The following CSNK1G2 variants were observed in gnomAD, a reference collection of about 807,000 sequenced individuals.
CSNK1G2 encodes the protein casein kinase I isoform gamma-2.
In CSNK1G2, 11 loss-of-function variants were observed where a neutral mutation model predicts 48.0. The ratio of observed to expected loss-of-function variants is 0.23; its 90% CI spans 0.14 to 0.38. The LOEUF is 0.38. Among genes scored for constraint, CSNK1G2 ranks in the 10% least tolerant of loss-of-function variants. The pLI, the probability that CSNK1G2 is intolerant of heterozygous loss-of-function variation, is 1.00. For missense variants in CSNK1G2, 446 were observed against 595.5 expected, an observed-to-expected ratio of 0.75 and a Z score of 2.61; for synonymous variants, 337 against 254.1, an observed-to-expected ratio of 1.33 and a Z score of -3.10.
chr19:1,979,379 G>C lies in CSNK1G2; in HGVS notation c.829G>C (p.Glu277Gln). Residue 277 changes from glutamate to glutamine, a missense_variant, in exon 8 of 12, where the codon GAG (glutamate) becomes CAG (glutamine). Around this residue, in one of 2 missense-constraint regions of CSNK1G2, gnomAD observed 258 missense variants for 415.9 expected, o/e 0.62. Coordinates refer to ENST00000255641, the MANE Select transcript of CSNK1G2 (RefSeq NM_001319.7). ...GGACACCAAACGCGCCACGCCCATC[G>C]AGGTGCTCTGCGAGAACTTCCCAGG... ...IGDTKRATPI[E>Q]VLCENFPEEM... 6.3e-7 allele frequency: 1 copy of C among 1,599,918 alleles called. No individual in the cohort carries two copies. The highest frequency in any genetic ancestry group is 8.5e-7 in the Non-Finnish European group (1 of 1,174,816).
In CSNK1G2 at chr19:1,979,777, C is replaced by G; in HGVS notation, c.1028C>G (p.Thr343Ser). 1.9e-6 allele frequency: 3 copies of G among 1,607,096 alleles called. No homozygotes were observed. Among genetic ancestry groups the G allele is most frequent in the Non-Finnish European group, 2.5e-6 (3 of 1,179,066 alleles). Residue 343 changes from threonine to serine, a missense_variant, in exon 10 of 12, where the codon ACC (threonine) becomes AGC (serine). By Grantham distance (58) the Thr-to-Ser change is moderately conservative. Transcript: ENST00000255641. ...CCGACCCCCATCGGCACCGTCCACA[C>G]CGACCTGCCCTCCCAGCCTCAGCTC... ...PLPTPIGTVH[T>S]DLPSQPQLRD...
chr19:1,976,181 G>T (rs542029975), intron 2 of CSNK1G2: 19 of 1,076,208 alleles, frequency 1.8e-5, no homozygotes, highest in Non-Finnish European at 2.3e-5. Flanking sequence ...GTTTTACGAG[G>T]AGAATTTCCT....
intron 2 of CSNK1G2, chr19:1,975,570 C>A: frequency 1.0e-6 from 1 of 985,440 alleles, no homozygotes; most frequent in Non-Finnish European, 1.2e-6. Context: ...AGGAGCCCAC[C>A]GCAGGGGCAG....
At chr19:1,963,812 C>CA (rs913426140) in intron 1 of CSNK1G2, among the ~76,000 whole-genome samples, 6 of 134,476 alleles carry the variant, frequency 4.5e-5, no homozygotes, top group African/African-American at 1.1e-4. Flanking sequence ...CCAGCCTCTA[C>CA]AAATTTTTTT....
rs534010619 is a variant in CSNK1G2, at chr19:1,957,846, G to A, written c.-265-11662G>A. ...TTTGTGGGGTGGGAGCTAGGCGGGC[G>A]CCGTTTATGTGGGGTGGGCGCTCGG... On this transcript the variant is annotated intron_variant, in intron 1 of 11. Coordinates refer to ENST00000255641, the MANE Select transcript of CSNK1G2 (RefSeq NM_001319.7). This position sits in a 1 kb window ranked among gnomAD's most constrained non-coding sequence, Gnocchi z 5.4. Among the ~76,000 whole-genome samples the A allele has an allele frequency of 3.3e-5, 5 of 152,064 alleles. 1 individual carries two copies. The highest frequency in any genetic ancestry group is 2.6e-4 in the Admixed American group (4 of 15,280).
intron 1 of CSNK1G2, chr19:1,954,436 A>G (rs1300142349): frequency 1.1e-5 from 2 of 175,230 alleles, no homozygotes; most frequent in African/African-American, 4.7e-5. Flanking sequence ...GCCGGCCTGG[A>G]CAGAGCTGCC....
rs1041562624 is a variant in CSNK1G2, at chr19:1,980,574, C to G, written c.*371C>G. 2 of 290,578 alleles carry G rather than the reference C, an allele frequency of 6.9e-6. No homozygotes were observed. The highest frequency in any genetic ancestry group is 1.3e-5 in the Non-Finnish European group (2 of 151,626). The allele number at this position is 290,578 out of a possible 1,614,324, so 18.0% of individuals were successfully genotyped here. A position where few individuals can be genotyped will look rare whatever the true frequency, so the allele number is the denominator to read the frequency against. ...GAGGCCCCCCGGCCTGGCCCCGCCC[C>G]GCCAGCCGCCCCCGTTAGCGTCATA... On this transcript the variant is annotated 3_prime_UTR_variant, in exon 12 of 12. Coordinates refer to ENST00000255641, the MANE Select transcript of CSNK1G2 (RefSeq NM_001319.7).
intron 1 of CSNK1G2, among the ~76,000 whole-genome samples, chr19:1,950,240 C>T (rs1484924383): frequency 6.6e-6 from 1 of 152,058 alleles, no homozygotes; most frequent in Non-Finnish European, 1.5e-5. Flanking sequence ...CCCGGGTTCA[C>T]ACCATTCTCC....
In CSNK1G2 at chr19:1,978,240, G is replaced by A; in HGVS notation, c.188-65G>A. On this transcript the variant is annotated intron_variant, in intron 2 of 11. Coordinates refer to ENST00000255641, the MANE Select transcript of CSNK1G2 (RefSeq NM_001319.7). The surrounding 1 kb of genome is among the most constrained non-coding windows in gnomAD (Gnocchi z 7.3). ...CCCTCCTGCCTCCTGCCTCGGGGGT[G>A]GGCTGGGGAGGTCGGGGCTAGGTGG... The A allele has an allele frequency of 6.4e-7, 1 of 1,567,044 alleles. No individual in the cohort carries two copies. Among genetic ancestry groups the A allele is most frequent in the South Asian group, 1.1e-5 (1 of 90,102 alleles).
Position 1,979,480 on chromosome 19 carries a change from G to GC in CSNK1G2, c.854-14dup, listed in dbSNP as rs1265932743. Reference sequence around the variant, plus strand: ...CCCCACCCCCGCCGAGGCCCCGCTGGCGCTCTCTCTGCAGAGGAGATGGCC... The same window carrying GC: ...CCCCACCCCCGCCGAGGCCCCGCTGGCCGCTCTCTCTGCAGAGGAGATGGCC... On this transcript the variant is annotated splice_polypyrimidine_tract_variant and intron_variant, in intron 8 of 11. Transcript: ENST00000255641. 8 of 1,478,496 alleles carry GC rather than the reference G, an allele frequency of 5.4e-6. No homozygotes were observed. The highest frequency in any genetic ancestry group is 5.4e-6 in the Non-Finnish European group (6 of 1,115,852). The allele number at this position is 1,478,496 out of a possible 1,614,324, so 91.6% of individuals were successfully genotyped here. A position where few individuals can be genotyped will look rare whatever the true frequency, so the allele number is the denominator to read the frequency against.
chr19:1,952,697 G>C (rs1422964809), intron 1 of CSNK1G2: 1 of 254,396 alleles, frequency 3.9e-6, no homozygotes, highest in Non-Finnish European at 8.0e-6. Flanking sequence ...TGAGGGTCAT[G>C]CGCCTAGCAG....
In CSNK1G2 at chr19:1,954,922, C is replaced by G. The variant is rs1175639190; in HGVS notation, c.-266+13504C>G. Among the ~76,000 whole-genome samples, 4 of 152,120 alleles carry G rather than the reference C, an allele frequency of 2.6e-5. 1 individual carries two copies. The South Asian group carries it at 8.3e-4, about 31-fold the overall frequency. ...GAGGATCAGCGTCCCTTCGTCCCTC[C>G]CTGGGGTTGTTGCTTTTCGCTGTGG... is the stretch of plus-strand genomic sequence containing the variant. On this transcript the variant is annotated intron_variant, in intron 1 of 11. Coordinates refer to ENST00000255641, the MANE Select transcript of CSNK1G2 (RefSeq NM_001319.7).
rs2015856851 is a variant in CSNK1G2, at chr19:1,978,786, G to A, written c.447+36G>A. ...GGCGGGGCGGGGCGGGGCTCGGAGG[G>A]AAGAGGGTGGCCCTGGAGGGGAGCG... On this transcript the variant is annotated intron_variant, in intron 5 of 11. Coordinates refer to ENST00000255641, the MANE Select transcript of CSNK1G2 (RefSeq NM_001319.7). The surrounding 1 kb of genome is among the most constrained non-coding windows in gnomAD (Gnocchi z 7.3). The A allele has an allele frequency of 6.3e-7, 1 of 1,575,716 alleles. No individual in the cohort carries two copies. The highest frequency in any genetic ancestry group is 8.6e-7 in the Non-Finnish European group (1 of 1,162,026).
At chr19:1,964,312 A>C (rs1198184718) in intron 1 of CSNK1G2, among the ~76,000 whole-genome samples, 2 of 150,826 alleles carry the variant, frequency 1.3e-5, no homozygotes, top group Non-Finnish European at 2.9e-5. Flanking sequence ...ACAAAAAAAA[A>C]CCAGGTTCAA....
chr19:1,965,615 C>T (rs893981810), intron 1 of CSNK1G2, among the ~76,000 whole-genome samples: 1 of 152,080 alleles, frequency 6.6e-6, no homozygotes, highest in Non-Finnish European at 1.5e-5. Context: ...ATTGTCTTTC[C>T]TCAGCCTCCT....
At chr19:1,955,375 T>C (rs1232757802) in intron 1 of CSNK1G2, among the ~76,000 whole-genome samples, 5 of 152,122 alleles carry the variant, frequency 3.3e-5, no homozygotes, top group Admixed American at 6.5e-5. Flanking sequence ...GTGGGGGATG[T>C]GGGCTAGCGG....
chr19:1,946,301 A>ATTTTTTT (rs1343820498), intron 1 of CSNK1G2, among the ~76,000 whole-genome samples: 1 of 72,834 alleles, frequency 1.4e-5, no homozygotes, highest in Non-Finnish European at 4.6e-5. Context: ...TTATTTATTT[A>ATTTTTTT]TTTTTTTTAA....
At chr19:1,969,318 C>T (rs2015486114) in intron 1 of CSNK1G2, among the ~76,000 whole-genome samples, 190 bp from the exon 2 acceptor site, 1 of 149,386 alleles carries the variant, frequency 6.7e-6, no homozygotes, top group East Asian at 2.0e-4. Flanking sequence ...GATCTCTGGC[C>T]TCTGATGTCA....
At chr19:1,973,222 T>C (rs1361499337) in intron 2 of CSNK1G2, among the ~76,000 whole-genome samples, 1 of 143,702 alleles carries the variant, frequency 7.0e-6, no homozygotes, top group Non-Finnish European at 1.5e-5. Flanking sequence ...CCACCGCGCC[T>C]GGCCTTGCTT....
Sources: gnomAD v4.1 joint callset for allele counts (sites outside exome capture counted in the v4.1 genomes callset) on GRCh38, gnomAD v4.1.1 for gene constraint, gnomAD v4.1.1 regional missense constraint, Gnocchi (gnomAD v3.1) non-coding constraint, MANE v1.5 for transcripts, NCBI Gene and HGNC (gene_info 2026-07-23, HGNC 2026-07-21) for gene names.